Variants in NEGR1 observed in about 807,000 individuals in gnomAD.
NEGR1 encodes IgLON family member 4.
Under a neutral mutation model 40.9 loss-of-function variants are expected in NEGR1, and 10 were observed. The observed-to-expected ratio is 0.24, with a 90% CI of 0.15 to 0.42. The LOEUF (loss-of-function observed/expected upper bound fraction) is 0.42. Among genes scored for constraint, NEGR1 ranks in the 10% least tolerant of loss-of-function variants. The pLI is 1.00. For synonymous variants in NEGR1, 185 were observed against 166.8 expected (o/e 1.11, Z -0.84); for missense variants, 352 against 438.9 (o/e 0.80, Z 1.77).
chr1:71,646,823 A>T (rs1651545944), intron 4 of NEGR1, among the ~76,000 whole-genome samples: 1 of 151,870 alleles, frequency 6.6e-6, no homozygotes, highest in African/African-American at 2.4e-5. Context: ...AAATGTTATC[A>T]ATGACATCAA....
At chr1:71,528,348 A>G (rs1223176039) in intron 6 of NEGR1, among the ~76,000 whole-genome samples, 4 of 151,328 alleles carry the variant, frequency 2.6e-5, no homozygotes, top group Non-Finnish European at 1.5e-5. Context: ...AGTAATGGAT[A>G]GTTATACATA....
chr1:71,502,450 TAA>T, intron 6 of NEGR1, among the ~76,000 whole-genome samples: 1 of 152,240 alleles, frequency 6.6e-6, no homozygotes, highest in South Asian at 2.1e-4. Flanking sequence ...AGATCGCCAT[TAA>T]AAGTCTCACT....
In NEGR1 at chr1:72,192,367, C is replaced by T. The variant is rs74947429; in HGVS notation, c.176+89952G>A. Among the ~76,000 whole-genome samples, 557 of 151,852 alleles carry T rather than the reference C, an allele frequency of 3.7e-3. 2 individuals carry two copies. The highest frequency in any genetic ancestry group is 0.013 in the African/African-American group (544 of 41,498). ...AAAGGCACTGCTCAGAGATAAAGAA[C>T]AATTTATCTTCTGCTGTAAAAAAGA... On this transcript the variant is annotated intron_variant, in intron 1 of 6. Transcript: ENST00000357731.
At chr1:71,705,857 G>A (rs1395947697) in intron 3 of NEGR1, among the ~76,000 whole-genome samples, 3 of 151,436 alleles carry the variant, frequency 2.0e-5, no homozygotes, top group African/African-American at 7.3e-5. Context: ...GGAAGGAAGA[G>A]AGGAAGGAAG....
intron 1 of NEGR1, among the ~76,000 whole-genome samples, chr1:71,951,139 TA>T (rs1646067140): frequency 6.6e-6 from 1 of 151,968 alleles, no homozygotes; most frequent in South Asian, 2.1e-4. Flanking sequence ...ATGAATGGAT[TA>T]ATTTTTTTTG....
chr1:72,211,666 GAACT>G (rs1653611601), intron 1 of NEGR1, among the ~76,000 whole-genome samples: 2 of 150,864 alleles, frequency 1.3e-5, no homozygotes, highest in Admixed American at 1.3e-4. Flanking sequence ...ATTTATAAAT[GAACT>G]AATAATAAAT....
At position 72,249,689 on chromosome 1, in the gene NEGR1, C is replaced by G. The variant is rs1655020876; in HGVS notation, c.176+32630G>C. On this transcript the variant is annotated intron_variant, in intron 1 of 6. Transcript: ENST00000357731. ...TGTGAGAATAGAATATTAAATAAAA[C>G]TTGACATTTGTTATGAAATTTAAAC... is the stretch of plus-strand genomic sequence containing the variant. Among the ~76,000 whole-genome samples, 4 of 152,162 alleles carry G rather than the reference C, an allele frequency of 2.6e-5. 1 individual carries two copies. In the South Asian group the frequency reaches 8.3e-4, roughly 32 times the overall value.
rs113145634 is a variant in NEGR1, at chr1:71,920,770, C to T, written c.409+14309G>A. On this transcript the variant is annotated intron_variant, in intron 2 of 6. Coordinates refer to ENST00000357731, the MANE Select transcript of NEGR1 (RefSeq NM_173808.3). Reference sequence around the variant, plus strand: ...ATTGCTCTTCACTAGTTTCTCCACCCGGCACAGGTGCAGGTGTAAAAATCA... The same window carrying T: ...ATTGCTCTTCACTAGTTTCTCCACCTGGCACAGGTGCAGGTGTAAAAATCA... Among the ~76,000 whole-genome samples the T allele has an allele frequency of 3.0e-3, 458 of 152,268 alleles. 4 individuals are homozygous for T. The highest frequency in any genetic ancestry group is 0.011 in the African/African-American group (438 of 41,550).
At chr1:72,255,505 T>G (rs1655236479) in intron 1 of NEGR1, among the ~76,000 whole-genome samples, 1 of 152,030 alleles carries the variant, frequency 6.6e-6, no homozygotes, top group Admixed American at 6.6e-5. Flanking sequence ...ACTTAAGATT[T>G]ACTTATTTAA....
intron 1 of NEGR1, among the ~76,000 whole-genome samples, chr1:72,149,555 T>A (rs2100352217): frequency 6.6e-6 from 1 of 152,072 alleles, no homozygotes; most frequent in Non-Finnish European, 1.5e-5. Context: ...TGAAGCACAA[T>A]CAATTAATTC....
rs1441246627 is a variant in NEGR1, at chr1:71,568,398, G to A, written c.940+24419C>T. Among the ~76,000 whole-genome samples the A allele has an allele frequency of 2.0e-5, 3 of 152,294 alleles. No homozygotes were observed. The East Asian group carries it at 5.8e-4, about 29-fold the overall frequency. ...GAGAGATTCTCTTGACAAACAGGGA[G>A]AGAACTTGGGAAAAGCAGGAAGAAG... is the stretch of plus-strand genomic sequence containing the variant. On this transcript the variant is annotated intron_variant, in intron 6 of 6. Transcript: ENST00000357731.
chr1:72,202,981 G>A (rs749117771), intron 1 of NEGR1, among the ~76,000 whole-genome samples: 12 of 151,718 alleles, frequency 7.9e-5, no homozygotes, highest in Non-Finnish European at 1.8e-4. Context: ...AAAAAAAATC[G>A]TTTTAAATAT....
chr1:71,497,251 A>G (rs1320389599), intron 6 of NEGR1, among the ~76,000 whole-genome samples: 6 of 152,204 alleles, frequency 3.9e-5, no homozygotes, highest in Non-Finnish European at 8.8e-5. Flanking sequence ...TCTGATTAAA[A>G]GAAATGCAGT....
chr1:71,700,122 ATGAT>A (rs1257874149), intron 3 of NEGR1, among the ~76,000 whole-genome samples: 2 of 152,016 alleles, frequency 1.3e-5, no homozygotes, highest in East Asian at 3.9e-4. Flanking sequence ...TGTTTAGCCA[ATGAT>A]TGATCATGTC....
intron 1 of NEGR1, among the ~76,000 whole-genome samples, chr1:72,130,940 G>T (rs868408445): frequency 5.3e-5 from 8 of 152,138 alleles, no homozygotes; most frequent in Non-Finnish European, 1.2e-4. Flanking sequence ...ATGAGGAATA[G>T]AATTAGGAAA....
intron 4 of NEGR1, among the ~76,000 whole-genome samples, chr1:71,634,687 G>A (rs970320261): frequency 6.6e-6 from 1 of 152,108 alleles, no homozygotes; most frequent in African/African-American, 2.4e-5. Context: ...CCTGTCCACA[G>A]GTTATTAAGA....
chr1:72,116,706 C>A, intron 1 of NEGR1, among the ~76,000 whole-genome samples: 1 of 151,768 alleles, frequency 6.6e-6, no homozygotes, highest in Middle Eastern at 3.4e-3. Flanking sequence ...CTTAAAAACA[C>A]ATTTCTATTA....
chr1:71,597,472 C>G (rs670260), intron 5 of NEGR1, among the ~76,000 whole-genome samples: 5,420 of 31,526 alleles, frequency 0.17, 533 homozygotes, highest in African/African-American at 0.27. Flanking sequence ...CTCTCTCTCT[C>G]TGTGTGTGTG....
chr1:71,489,432 A>G (rs975494233), intron 6 of NEGR1, among the ~76,000 whole-genome samples: 5 of 151,898 alleles, frequency 3.3e-5, no homozygotes, highest in Admixed American at 6.6e-5. Flanking sequence ...GTTTTCTAAT[A>G]AATCCCGTTT....
Sources: allele counts gnomAD v4.1 joint callset (sites outside exome capture counted in the v4.1 genomes callset), GRCh38; gene constraint gnomAD v4.1.1; transcripts MANE v1.5; gene names NCBI Gene and HGNC (gene_info 2026-07-23, HGNC 2026-07-21).